Variants in KCNIP4 observed in about 807,000 individuals in gnomAD.
The protein encoded by KCNIP4 is Kv channel-interacting protein 4.
KCNIP4 carries 12 observed loss-of-function variants against 34.0 expected under a neutral mutation model. The observed-to-expected ratio is 0.35, with a 90% confidence interval of 0.23 to 0.57. The LOEUF (loss-of-function observed/expected upper bound fraction) is 0.57. Ranked by LOEUF, KCNIP4 falls within the 20% of genes least tolerant of loss-of-function variation. The pLI is 0.83. For synonymous variants in KCNIP4, 124 were observed against 102.2 expected, an observed-to-expected ratio of 1.21 and a Z score of -1.29; for missense variants, 238 against 311.7, an observed-to-expected ratio of 0.76 and a Z score of 1.78.
intron 1 of KCNIP4, among the ~76,000 whole-genome samples, chr4:21,437,772 G>A (rs1012990651): frequency 6.6e-6 from 1 of 152,274 alleles, no homozygotes; most frequent in Non-Finnish European, 1.5e-5. Flanking sequence ...TAAAAGGGCT[G>A]ATACATCTCT....
At chr4:20,976,658 G>C (rs1259638938) in intron 1 of KCNIP4, among the ~76,000 whole-genome samples, 1 of 151,990 alleles carries the variant, frequency 6.6e-6, no homozygotes, top group Non-Finnish European at 1.5e-5. Context: ...AAAAGCACCT[G>C]TGGGCCCCTG....
chr4:21,627,988 A>G (rs1745453408), intron 1 of KCNIP4, among the ~76,000 whole-genome samples: 1 of 152,156 alleles, frequency 6.6e-6, no homozygotes, highest in African/African-American at 2.4e-5. Flanking sequence ...TGTATGCAGT[A>G]ATGCTTGTTT....
chr4:21,667,413 C>T (rs1749067814), intron 1 of KCNIP4, among the ~76,000 whole-genome samples: 1 of 152,150 alleles, frequency 6.6e-6, no homozygotes, highest in Admixed American at 6.5e-5. Flanking sequence ...AATGTCACTG[C>T]TAAGCTTATT....
intron 1 of KCNIP4, among the ~76,000 whole-genome samples, chr4:21,376,809 A>C (rs771977610): frequency 2.5e-4 from 38 of 152,334 alleles, no homozygotes; most frequent in Non-Finnish European, 4.9e-4. Context: ...GATTGCACCC[A>C]ATACAAAACC....
At chr4:21,519,781 G>GTGCA (rs1735342853) in intron 1 of KCNIP4, among the ~76,000 whole-genome samples, 1 of 135,680 alleles carries the variant, frequency 7.4e-6, no homozygotes, top group South Asian at 2.5e-4. Flanking sequence ...ACACACGTGT[G>GTGCA]TGTATGTGTG....
At position 21,790,604 on chromosome 4, in the gene KCNIP4, GA is replaced by G. The variant is rs34307723; in HGVS notation, c.61+157966del. ...GAATATGAAATAGAAAACACATTAA[GA>G]AAAAAAAAGAGAACTTTCAACCAGA... On this transcript the variant is annotated intron_variant, in intron 1 of 8. Coordinates refer to ENST00000382152, the MANE Select transcript of KCNIP4 (RefSeq NM_025221.6). Among the ~76,000 whole-genome samples the G allele has an allele frequency of 2.5e-3, 375 of 150,118 alleles. 1 individual carries two copies. Among genetic ancestry groups the G allele is most frequent in the African/African-American group, 8.5e-3 (350 of 40,962 alleles).
At chr4:20,744,969 C>T (rs1033223556) in intron 5 of KCNIP4, among the ~76,000 whole-genome samples, 12 of 152,010 alleles carry the variant, frequency 7.9e-5, no homozygotes, top group African/African-American at 2.2e-4. Context: ...TCCCTTTGGC[C>T]GGACAACTGG....
At chr4:21,337,004 G>A (rs934530812) in intron 1 of KCNIP4, among the ~76,000 whole-genome samples, 2 of 151,914 alleles carry the variant, frequency 1.3e-5, no homozygotes, top group Non-Finnish European at 2.9e-5. Flanking sequence ...TCACCAAGAT[G>A]GTATGGATGG....
intron 1 of KCNIP4, among the ~76,000 whole-genome samples, chr4:21,664,374 C>G (rs1357727596): frequency 6.6e-6 from 1 of 150,884 alleles, no homozygotes; most frequent in South Asian, 2.1e-4. Flanking sequence ...CAGAGGCAAC[C>G]AAAACAAACA....
chr4:21,336,698 G>A (rs554632903), intron 1 of KCNIP4, among the ~76,000 whole-genome samples: 1 of 152,104 alleles, frequency 6.6e-6, no homozygotes, highest in South Asian at 2.1e-4. Flanking sequence ...CCTCACTCCT[G>A]CCGTCTGTGA....
At chr4:21,873,196 T>A (rs1310951646) in intron 1 of KCNIP4, among the ~76,000 whole-genome samples, 1 of 152,228 alleles carries the variant, frequency 6.6e-6, no homozygotes, top group African/African-American at 2.4e-5. Flanking sequence ...TCAACAAAGA[T>A]TTAGAGAGCC....
chr4:20,860,844 C>T (rs1722118919), intron 2 of KCNIP4, among the ~76,000 whole-genome samples: 1 of 152,086 alleles, frequency 6.6e-6, no homozygotes, highest in African/African-American at 2.4e-5. Context: ...GGAGGTGATG[C>T]TATTGTTTGT....
intron 1 of KCNIP4, among the ~76,000 whole-genome samples, chr4:21,275,959 A>T (rs1197029192): frequency 2.0e-5 from 3 of 152,232 alleles, no homozygotes; most frequent in Non-Finnish European, 2.9e-5. Flanking sequence ...TGAGTTATAA[A>T]AGAATTGCAA....
Position 21,483,206 on chromosome 4 carries a change from C to A in KCNIP4, c.61+465365G>T, listed in dbSNP as rs914378494. Among the ~76,000 whole-genome samples, 3 of 150,900 alleles carry A rather than the reference C, an allele frequency of 2.0e-5. No homozygotes were observed. In the East Asian group the frequency reaches 5.8e-4, roughly 29 times the overall value. On this transcript the variant is annotated intron_variant, in intron 1 of 8. Transcript: ENST00000382152. ...CAAACCTGCATGTTGTGCACATGTA[C>A]CCTACAACTTAAAGTATAATTTAAA...
chr4:20,923,065 G>A (rs959415869), intron 1 of KCNIP4, among the ~76,000 whole-genome samples: 2 of 152,086 alleles, frequency 1.3e-5, no homozygotes, highest in Admixed American at 6.5e-5. Flanking sequence ...GGAGTGATTT[G>A]TCAAAAGACT....
chr4:20,842,752 G>C (rs898476027), intron 3 of KCNIP4, among the ~76,000 whole-genome samples: 6 of 152,120 alleles, frequency 3.9e-5, no homozygotes, highest in African/African-American at 1.4e-4. Flanking sequence ...ATGCAGATGA[G>C]AGGTGACAGT....
intron 1 of KCNIP4, among the ~76,000 whole-genome samples, chr4:21,018,753 C>A (rs1227015641): frequency 6.6e-6 from 1 of 152,088 alleles, no homozygotes; most frequent in Admixed American, 6.6e-5. Flanking sequence ...TTAATAAAGT[C>A]CCTGTATATA....
intron 1 of KCNIP4, among the ~76,000 whole-genome samples, chr4:21,282,721 G>A (rs993097538): frequency 1.3e-5 from 2 of 152,102 alleles, no homozygotes; most frequent in Non-Finnish European, 2.9e-5. Context: ...TTGTGCTGTT[G>A]CTTTTGCTGT....
intron 1 of KCNIP4, among the ~76,000 whole-genome samples, chr4:21,652,922 G>T (rs2108973789): frequency 6.6e-6 from 1 of 152,290 alleles, no homozygotes; most frequent in African/African-American, 2.4e-5. Flanking sequence ...ATCATCCATT[G>T]CTGGGCAACA....
Sources: gnomAD v4.1 joint callset for allele counts (sites outside exome capture counted in the v4.1 genomes callset) on GRCh38, gnomAD v4.1.1 for gene constraint, MANE v1.5 for transcripts, NCBI Gene and HGNC (gene_info 2026-07-23, HGNC 2026-07-21) for gene names.